Variants in AFF3 observed in about 807,000 individuals in gnomAD.
AFF3 encodes the protein ALF transcription elongation factor 3, also known as AF4/FMR2 family member 3.
AFF3 carries 32 observed loss-of-function variants against 129.7 expected under a neutral mutation model. The observed-to-expected ratio is 0.25, with a 90% CI of 0.19 to 0.33. AFF3 has a LOEUF of 0.33. AFF3 is among the 10% of genes least tolerant of loss of function. The pLI, the probability that AFF3 is intolerant of heterozygous loss-of-function variation, is 1.00. For missense variants in AFF3, 1,373 were observed against 1,592.0 expected (o/e 0.86, Z 2.34); for synonymous variants, 644 against 635.4 (o/e 1.01, Z -0.20).
chr2:99,650,102 G>A (rs533452384), intron 12 of AFF3, among the ~76,000 whole-genome samples: 1 of 152,312 alleles, frequency 6.6e-6, no homozygotes, highest in African/African-American at 2.4e-5. Flanking sequence ...TCGGATTTCA[G>A]ATTGAAAGTT....
intron 4 of AFF3, among the ~76,000 whole-genome samples, chr2:100,052,729 T>C (rs1262703680): frequency 6.6e-6 from 1 of 152,118 alleles, no homozygotes; most frequent in African/African-American, 2.4e-5. Flanking sequence ...AAATAATGTA[T>C]CTGTATGTCC....
chr2:100,100,742 A>G (rs1176244648), intron 4 of AFF3, among the ~76,000 whole-genome samples: 2 of 152,238 alleles, frequency 1.3e-5, no homozygotes, highest in Non-Finnish European at 2.9e-5. Context: ...ATATTTGTTA[A>G]ACGAATTAAA....
At chr2:99,819,091 T>C (rs1687457614) in intron 8 of AFF3, among the ~76,000 whole-genome samples, 1 of 152,216 alleles carries the variant, frequency 6.6e-6, no homozygotes, top group African/African-American at 2.4e-5. Flanking sequence ...TAAAAACAGT[T>C]GAACAAAAAG....
chr2:99,603,290 T>C (rs1680013118), intron 13 of AFF3, among the ~76,000 whole-genome samples: 1 of 152,122 alleles, frequency 6.6e-6, no homozygotes, highest in African/African-American at 2.4e-5. Context: ...ATTGGAATCA[T>C]AAAAAAAGGA....
At chr2:99,690,242 G>A (rs1183841313) in intron 11 of AFF3, among the ~76,000 whole-genome samples, 7 of 147,712 alleles carry the variant, frequency 4.7e-5, no homozygotes, top group East Asian at 4.1e-4. Flanking sequence ...GTGCAGTGGC[G>A]CGATCTCGGC....
chr2:99,895,056 CAT>C (rs1693841213), intron 7 of AFF3, among the ~76,000 whole-genome samples: 1 of 152,200 alleles, frequency 6.6e-6, no homozygotes, highest in Admixed American at 6.5e-5. Flanking sequence ...GTAACTGACA[CAT>C]GAGAAACCAC....
intron 22 of AFF3, among the ~76,000 whole-genome samples, chr2:99,555,282 TATACA>T (rs1674805904): frequency 6.6e-6 from 1 of 152,238 alleles, no homozygotes; most frequent in African/African-American, 2.4e-5. Context: ...TCTCCCCTTA[TATACA>T]ATACTTTATA....
chr2:99,689,043 A>T (rs1212780492), intron 11 of AFF3, among the ~76,000 whole-genome samples: 1 of 152,076 alleles, frequency 6.6e-6, no homozygotes, highest in African/African-American at 2.4e-5. Flanking sequence ...CTCCCTACAG[A>T]CAACAAAACT....
chr2:99,563,462 T>C (rs1287985862), intron 20 of AFF3, among the ~76,000 whole-genome samples: 1 of 151,244 alleles, frequency 6.6e-6, no homozygotes, highest in Non-Finnish European at 1.5e-5. Flanking sequence ...AGTGCTGGGA[T>C]TACAGGCGTG....
intron 4 of AFF3, among the ~76,000 whole-genome samples, chr2:100,042,763 T>G (rs1006205244): frequency 2.2e-4 from 34 of 152,144 alleles, no homozygotes; most frequent in African/African-American, 8.2e-4. Context: ...ATGAGGAACT[T>G]TATGAAGTTT....
chr2:100,068,320 G>A (rs1224508491), intron 4 of AFF3, among the ~76,000 whole-genome samples: 1 of 152,206 alleles, frequency 6.6e-6, no homozygotes, highest in African/African-American at 2.4e-5. Flanking sequence ...TTAACTGGGA[G>A]ATCCAGGGAG....
intron 4 of AFF3, among the ~76,000 whole-genome samples, chr2:100,013,183 G>A (rs1682698438): frequency 6.6e-6 from 1 of 152,064 alleles, no homozygotes; most frequent in Non-Finnish European, 1.5e-5. Context: ...GTATCTTGTA[G>A]AGCTCCAGCC....
chr2:99,593,878 A>C lies in AFF3; in HGVS notation c.1783T>G (p.Ser595Ala). The change falls in exon 15 of 25, where the codon TCA becomes GCA. Residue 595 changes from serine (S) to alanine (A), a missense_variant. This residue lies in a region of AFF3 where 466 missense variants were observed against 505.0 expected (regional missense o/e 0.92). Transcript: ENST00000672756. ...KKPTRRTERT[S>A]AGDGANCHRP... ...TGGCAGTTGGCGCCGTCCCCGGCTG[A>C]GGTCCTCTCGGTGCGCCTGGTGGGC... 7.3e-7 allele frequency: 1 copy of C among 1,370,434 alleles called. No individual in the cohort carries two copies. Among genetic ancestry groups the C allele is most frequent in the Non-Finnish European group, 9.8e-7 (1 of 1,024,422 alleles). 84.9% of individuals were successfully genotyped at this position (1,370,434 alleles called of 1,614,324 possible).
chr2:99,658,015 G>A (rs1419364233), intron 12 of AFF3, among the ~76,000 whole-genome samples: 1 of 152,192 alleles, frequency 6.6e-6, no homozygotes, highest in Non-Finnish European at 1.5e-5. Context: ...AAACCCACGT[G>A]TGACATCCAC....
intron 7 of AFF3, among the ~76,000 whole-genome samples, chr2:99,915,544 T>G (rs1695418842): frequency 6.6e-6 from 1 of 152,178 alleles, no homozygotes; most frequent in South Asian, 2.1e-4. Flanking sequence ...GCCAGGGCTA[T>G]CCGACGCAGG....
At chr2:99,784,639 T>C (rs1684657854) in intron 8 of AFF3, among the ~76,000 whole-genome samples, 1 of 152,218 alleles carries the variant, frequency 6.6e-6, no homozygotes, top group Non-Finnish European at 1.5e-5. Context: ...TTTAAAATCT[T>C]AGGCTATCGG....
intron 7 of AFF3, among the ~76,000 whole-genome samples, chr2:99,889,262 T>G (rs571147878): frequency 6.6e-6 from 1 of 152,324 alleles, no homozygotes; most frequent in South Asian, 2.1e-4. Flanking sequence ...GTCAGTCTCC[T>G]GAGCAGCTGA....
chr2:99,959,436 G>A (rs1384334563), intron 7 of AFF3, among the ~76,000 whole-genome samples: 1 of 150,178 alleles, frequency 6.7e-6, no homozygotes, highest in Non-Finnish European at 1.5e-5. Flanking sequence ...AAATAGTCTA[G>A]TTTTGGCTGG....
intron 13 of AFF3, among the ~76,000 whole-genome samples, chr2:99,639,004 G>A (rs565304574): frequency 2.0e-5 from 3 of 152,256 alleles, no homozygotes; most frequent in South Asian, 4.1e-4. Context: ...AATTTCACCC[G>A]GAGGAGCCTT....
Sources: gnomAD v4.1 joint callset for allele counts (sites outside exome capture counted in the v4.1 genomes callset) on GRCh38, gnomAD v4.1.1 for gene constraint, gnomAD v4.1.1 regional missense constraint, MANE v1.5 for transcripts, NCBI Gene and HGNC (gene_info 2026-07-23, HGNC 2026-07-21) for gene names.